The following ANKFN1 variants were observed in gnomAD, a reference collection of about 807,000 sequenced individuals.
ANKFN1 encodes the protein ankyrin repeat and fibronectin type III domain containing 1.
ANKFN1 carries 74 observed loss-of-function variants against 108.7 expected under a neutral mutation model. That is an observed-to-expected ratio of 0.68 (90% confidence interval 0.56 to 0.83). ANKFN1 has a LOEUF of 0.83. Among genes scored for constraint, ANKFN1 ranks in the 40% least tolerant of loss-of-function variants. The pLI is 0.00. For synonymous variants in ANKFN1, 547 were observed against 516.2 expected, an observed-to-expected ratio of 1.06 and a Z score of -0.81; for missense variants, 1,505 against 1,382.3, an observed-to-expected ratio of 1.09 and a Z score of -1.41.
chr17:56,291,759 T>A (rs2044369555), intron 3 of ANKFN1, among the ~76,000 whole-genome samples: 1 of 152,208 alleles, frequency 6.6e-6, no homozygotes, highest in Non-Finnish European at 1.5e-5. Flanking sequence ...GGGTGACAGC[T>A]TCTGACACAT....
intron 4 of ANKFN1, among the ~76,000 whole-genome samples, chr17:56,349,044 G>T (rs1346873850): frequency 6.6e-6 from 1 of 152,148 alleles, no homozygotes; most frequent in Non-Finnish European, 1.5e-5. Context: ...ATACTATGTA[G>T]CCATAAAAAG....
At position 56,349,253 on chromosome 17, in the gene ANKFN1, G is replaced by A. The variant is rs151071681; in HGVS notation, c.189-1513G>A. On this transcript the variant is annotated intron_variant, in intron 4 of 20. Transcript: ENST00000682825. ...TGAGTGCGGGCTGGGAAGAGGGAGA[G>A]CATCAGGAAGAATAGCTAATGGATG... 2.6e-3 allele frequency among the ~76,000 whole-genome samples: 394 copies of A among 152,198 alleles called. 2 individuals are homozygous for A. The highest frequency in any genetic ancestry group is 8.6e-3 in the African/African-American group (359 of 41,546).
chr17:56,390,799 G>A (rs2047405042), intron 8 of ANKFN1, among the ~76,000 whole-genome samples: 1 of 152,080 alleles, frequency 6.6e-6, no homozygotes, highest in Admixed American at 6.5e-5. Context: ...AATGACCAAC[G>A]ATGATGAGCT....
At chr17:56,161,003 C>T (rs900225621) in intron 1 of ANKFN1, among the ~76,000 whole-genome samples, 2 of 152,156 alleles carry the variant, frequency 1.3e-5, no homozygotes, top group African/African-American at 2.4e-5. Context: ...CTCTTTTGGC[C>T]TCTAATACTT....
At chr17:56,413,986 C>A (rs1249135158) in intron 8 of ANKFN1, among the ~76,000 whole-genome samples, 1 of 152,090 alleles carries the variant, frequency 6.6e-6, no homozygotes, top group Non-Finnish European at 1.5e-5. Context: ...CCATGAATCA[C>A]ATTTATTCAT....
At chr17:56,453,602 G>A (rs188795337) in intron 11 of ANKFN1, among the ~76,000 whole-genome samples, 4 of 152,210 alleles carry the variant, frequency 2.6e-5, no homozygotes, top group East Asian at 1.9e-4. Context: ...CTACCATATT[G>A]AGGACTCTTC....
At chr17:56,168,762 A>G (rs1910387376) in intron 1 of ANKFN1, among the ~76,000 whole-genome samples, 1 of 152,204 alleles carries the variant, frequency 6.6e-6, no homozygotes, top group Admixed American at 6.5e-5. Flanking sequence ...GCATCTTTTT[A>G]GCATGATGAT....
intron 1 of ANKFN1, chr17:56,174,455 TCTCTG>T: frequency 1.0e-6 from 1 of 974,168 alleles, no homozygotes; most frequent in Non-Finnish European, 1.2e-6. Context: ...GCTTGAGGGT[TCTCTG>T]GCTAGACCTG....
intron 14 of ANKFN1, among the ~76,000 whole-genome samples, chr17:56,458,410 A>G (rs2049786919): frequency 6.6e-6 from 1 of 152,120 alleles, no homozygotes; most frequent in Non-Finnish European, 1.5e-5. Context: ...AAAAGAGACG[A>G]GCAGATATTT....
chr17:56,073,916 T>C (rs1350238036), intron 4 of ANKFN1, among the ~76,000 whole-genome samples: 1 of 152,204 alleles, frequency 6.6e-6, no homozygotes, highest in Non-Finnish European at 1.5e-5. Context: ...TGATGAGTAT[T>C]TGGGTTGTTT....
At chr17:56,120,964 T>C (rs1207197766) in intron 4 of ANKFN1, among the ~76,000 whole-genome samples, 2 of 152,156 alleles carry the variant, frequency 1.3e-5, no homozygotes, top group Non-Finnish European at 2.9e-5. Context: ...ATTTTGAATT[T>C]ATCGATTTTT....
At chr17:56,350,700 T>C in intron 4 of ANKFN1, 66 bp from the exon 5 acceptor site, 2 of 1,451,182 alleles carry the variant, frequency 1.4e-6, no homozygotes, top group South Asian at 1.2e-5. Context: ...CTGGAGATGA[T>C]AAAATCATAT....
chr17:56,298,027 G>T (rs2044563376), intron 3 of ANKFN1, among the ~76,000 whole-genome samples: 1 of 152,194 alleles, frequency 6.6e-6, no homozygotes, highest in Non-Finnish European at 1.5e-5. Context: ...GCGGTCCATG[G>T]ACTAGAAGCA....
intron 3 of ANKFN1, among the ~76,000 whole-genome samples, chr17:56,255,420 A>G (rs2043335014): frequency 6.6e-6 from 1 of 152,150 alleles, no homozygotes; most frequent in Non-Finnish European, 1.5e-5. Flanking sequence ...TTGCCCCCAC[A>G]AAAGACAATC....
intron 15 of ANKFN1, 35 bp from the exon 16 acceptor site, chr17:56,477,452 CT>C (rs768932582): frequency 4.1e-6 from 6 of 1,481,128 alleles, no homozygotes; most frequent in Non-Finnish European, 5.4e-6. Flanking sequence ...GAGTTGTTTT[CT>C]TGTTTTCTTT....
intron 3 of ANKFN1, among the ~76,000 whole-genome samples, chr17:56,313,152 C>CA (rs3027987): frequency 8.9e-4 from 109 of 122,452 alleles, no homozygotes; most frequent in Middle Eastern, 4.6e-3. Flanking sequence ...GAATCCAACT[C>CA]AAAAAAAAAA....
intron 1 of ANKFN1, among the ~76,000 whole-genome samples, chr17:56,182,732 A>G (rs999004967): frequency 1.4e-4 from 21 of 152,358 alleles, no homozygotes; most frequent in Non-Finnish European, 5.9e-5. Context: ...TAGGAAAACT[A>G]GCCTTCTATT....
chr17:56,357,849 G>T (rs2046414399), intron 6 of ANKFN1, among the ~76,000 whole-genome samples: 1 of 152,082 alleles, frequency 6.6e-6, no homozygotes, highest in African/African-American at 2.4e-5. Context: ...CTACAAAAAT[G>T]GTTTTGTCTA....
chr17:56,384,394 A>T (rs1819299129), intron 8 of ANKFN1, among the ~76,000 whole-genome samples: 1 of 152,190 alleles, frequency 6.6e-6, no homozygotes, highest in South Asian at 2.1e-4. Flanking sequence ...CAAAAACTGG[A>T]AGCATTCCCT....
Sources: allele counts gnomAD v4.1 joint callset (sites outside exome capture counted in the v4.1 genomes callset), GRCh38; gene constraint gnomAD v4.1.1; transcripts MANE v1.5; gene names NCBI Gene and HGNC (gene_info 2026-07-23, HGNC 2026-07-21).